Variants in POMGNT2 observed in about 807,000 individuals in gnomAD.
The protein encoded by POMGNT2 is protein O-linked mannose N-acetylglucosaminyltransferase 2 (beta 1,4-).
POMGNT2 carries 32 observed loss-of-function variants against 37.8 expected under a neutral mutation model. The ratio of observed to expected loss-of-function variants is 0.85; its 90% CI spans 0.64 to 1.14. The LOEUF is 1.14. Among genes scored for constraint, POMGNT2 ranks in the 50% most tolerant of loss-of-function variants. POMGNT2 has a pLI of 0.00. For synonymous variants in POMGNT2, 340 were observed against 336.8 expected, an observed-to-expected ratio of 1.01 and a Z score of -0.10; for missense variants, 705 against 780.6, an observed-to-expected ratio of 0.90 and a Z score of 1.15.
At chr3:43,100,813 T>C (rs1310401305) in intron 1 of POMGNT2, among the ~76,000 whole-genome samples, 1 of 152,218 alleles carries the variant, frequency 6.6e-6, no homozygotes, top group African/African-American at 2.4e-5. Flanking sequence ...AGCTATTTTC[T>C]AGTATATTCC....
At chr3:43,082,495 T>C (rs1315667207) in intron 1 of POMGNT2, among the ~76,000 whole-genome samples, 1 of 152,230 alleles carries the variant, frequency 6.6e-6, no homozygotes, top group Admixed American at 6.5e-5. Context: ...GGGTTTTAAA[T>C]GCCCTCTCCC....
intron 1 of POMGNT2, among the ~76,000 whole-genome samples, chr3:43,097,013 G>A (rs1467501826): frequency 6.6e-6 from 1 of 152,190 alleles, no homozygotes; most frequent in Non-Finnish European, 1.5e-5. Context: ...GTAACAGCTG[G>A]GCAGGTGGGG....
At chr3:43,104,226 T>A (rs1404927512) in intron 1 of POMGNT2, among the ~76,000 whole-genome samples, 3 of 152,166 alleles carry the variant, frequency 2.0e-5, no homozygotes, top group Non-Finnish European at 2.9e-5. Flanking sequence ...CCTTTCACAT[T>A]CATTATTTCA....
chr3:43,079,939 G>C lies in POMGNT2; in HGVS notation c.1493C>G (p.Ser498Cys). 2 of 1,614,008 alleles carry C rather than the reference G, an allele frequency of 1.2e-6. No individual in the cohort carries two copies. The highest frequency in any genetic ancestry group is 1.7e-6 in the Non-Finnish European group (2 of 1,180,024). ...ARCQASVHGA[S>C]EARLTVSWQI... ...CCAGGAGACAGTGAGGCGGGCCTCG[G>C]AGGCGCCATGCACTGACGCCTGGCA... Residue 498 changes from serine to cysteine, a missense_variant, in exon 2 of 2, where the codon TCC (serine) becomes TGC (cysteine). By Grantham distance (112) the Ser-to-Cys change is moderately radical. Transcript: ENST00000344697.
In POMGNT2 at chr3:43,079,913, G is replaced by A; in HGVS notation, c.1519C>T (p.Gln507Ter). Residue 507 changes from glutamine to a stop codon, truncating the protein, a stop_gained, in exon 2 of 2, where the codon CAG (glutamine) becomes TAG (stop). Transcript: ENST00000344697. LOFTEE classifies it high-confidence loss of function. ...ASEARLTVSW[Q>*]IPWNLKYLKV... ...AGGTATTTAAGGTTCCATGGGATCT[G>A]CCAGGAGACAGTGAGGCGGGCCTCG... The A allele has an allele frequency of 6.2e-7, 1 of 1,614,142 alleles. No homozygotes were observed. Among genetic ancestry groups the A allele is most frequent in the South Asian group, 1.1e-5 (1 of 91,076 alleles).
intron 1 of POMGNT2, among the ~76,000 whole-genome samples, chr3:43,082,263 C>T (rs776703250): frequency 3.9e-5 from 6 of 152,152 alleles, no homozygotes; most frequent in Non-Finnish European, 8.8e-5. Flanking sequence ...ACACTGTTCC[C>T]AGGTTGCACA....
intron 1 of POMGNT2, among the ~76,000 whole-genome samples, chr3:43,094,385 C>T (rs928735696): frequency 6.6e-6 from 1 of 152,240 alleles, no homozygotes; most frequent in African/African-American, 2.4e-5. Context: ...GCTTACTGGG[C>T]AACAGACCCA....
chr3:43,101,417 G>A (rs2090018387), intron 1 of POMGNT2, among the ~76,000 whole-genome samples: 1 of 152,176 alleles, frequency 6.6e-6, no homozygotes, highest in Non-Finnish European at 1.5e-5. Context: ...AACCCATGTG[G>A]ACTACTCCAC....
At chr3:43,092,003 G>A (rs987939525) in intron 1 of POMGNT2, among the ~76,000 whole-genome samples, 2 of 152,182 alleles carry the variant, frequency 1.3e-5, no homozygotes, top group Non-Finnish European at 2.9e-5. Context: ...GCCTCAGATC[G>A]GAGGAGACTA....
chr3:43,090,852 A>G (rs1185185403), intron 1 of POMGNT2, among the ~76,000 whole-genome samples: 1 of 152,204 alleles, frequency 6.6e-6, no homozygotes, highest in Non-Finnish European at 1.5e-5. Flanking sequence ...AGGGAGGAAC[A>G]TGAGCAGGAG....
chr3:43,104,541 G>A (rs1300265471), intron 1 of POMGNT2, among the ~76,000 whole-genome samples: 1 of 152,210 alleles, frequency 6.6e-6, no homozygotes, highest in Non-Finnish European at 1.5e-5. Context: ...GGGGCCCAAG[G>A]CTCAGGAAGG....
At chr3:43,089,862 T>C (rs538711522) in intron 1 of POMGNT2, among the ~76,000 whole-genome samples, 111 of 152,272 alleles carry the variant, frequency 7.3e-4, no homozygotes, top group African/African-American at 2.6e-3. Context: ...CACAGCTATG[T>C]TGAGGGCCCT....
Position 43,080,687 on chromosome 3 carries a change from G to A in POMGNT2, c.745C>T (p.Gln249Ter), listed in dbSNP as rs1553618354. 1 of 1,614,204 alleles carries A rather than the reference G, an allele frequency of 6.2e-7. No homozygotes were observed. Among genetic ancestry groups the A allele is most frequent in the Non-Finnish European group, 8.5e-7 (1 of 1,180,038 alleles). ...ITTWYQYGFV[Q>*]PQGPKANILV... ...ATGTTGGCCTTCGGGCCCTGGGGCT[G>A]CACAAAGCCATACTGGTACCAGGTA... The change falls in exon 2 of 2, where the codon CAG (glutamine) becomes TAG (stop). Residue 249 changes from glutamine (Q) to a stop codon, truncating the protein, a stop_gained. Coordinates refer to ENST00000344697, the MANE Select transcript of POMGNT2 (RefSeq NM_032806.6). LOFTEE classifies it high-confidence loss of function.
At chr3:43,091,527 C>T (rs7639740) in intron 1 of POMGNT2, among the ~76,000 whole-genome samples, 16,823 of 152,220 alleles carry the variant, frequency 0.11, 1,181 homozygotes, top group Non-Finnish European at 0.15. Context: ...GCAAACATCA[C>T]AGTAATAACT....
At chr3:43,097,370 G>C (rs1437795421) in intron 1 of POMGNT2, among the ~76,000 whole-genome samples, 1 of 152,130 alleles carries the variant, frequency 6.6e-6, no homozygotes, top group African/African-American at 2.4e-5. Context: ...CAGAATACCA[G>C]ACTGAGTGCC....
At chr3:43,091,444 G>T (rs943428334) in intron 1 of POMGNT2, among the ~76,000 whole-genome samples, 1 of 152,106 alleles carries the variant, frequency 6.6e-6, no homozygotes, top group Non-Finnish European at 1.5e-5. Context: ...AATTAGGAGA[G>T]AAAGGACAGC....
chr3:43,103,938 C>A (rs2090037930), intron 1 of POMGNT2, among the ~76,000 whole-genome samples: 2 of 152,144 alleles, frequency 1.3e-5, no homozygotes, highest in East Asian at 1.9e-4. Context: ...CCATGTCTGA[C>A]AATTATTTTT....
chr3:43,093,065 A>T (rs531858426), intron 1 of POMGNT2, among the ~76,000 whole-genome samples: 1 of 152,238 alleles, frequency 6.6e-6, no homozygotes, highest in African/African-American at 2.4e-5. Context: ...GCCACCAGGC[A>T]TCATCTCTCT....
In POMGNT2 at chr3:43,079,881, C is replaced by T. The variant is rs772907296; in HGVS notation, c.1551G>A (p.Val517=). ...QIPWNLKYLK[V]REVKYEVWLQ... is the part of the protein sequence containing the mutation. Reference sequence around the variant, plus strand: ...GCCACACCTCGTACTTCACCTCCCTCACCTTCAGGTATTTAAGGTTCCATG... The same window carrying T: ...GCCACACCTCGTACTTCACCTCCCTTACCTTCAGGTATTTAAGGTTCCATG... Residue 517 remains valine (V), a synonymous_variant, in exon 2 of 2, where the codon GTG becomes GTA. Coordinates refer to ENST00000344697, the MANE Select transcript of POMGNT2 (RefSeq NM_032806.6). 45 of 1,614,152 alleles carry T rather than the reference C, an allele frequency of 2.8e-5. No individual in the cohort carries two copies. Among genetic ancestry groups the T allele is most frequent in the Non-Finnish European group, 3.7e-5 (44 of 1,180,010 alleles).
Sources: allele counts gnomAD v4.1 joint callset (sites outside exome capture counted in the v4.1 genomes callset), GRCh38; gene constraint gnomAD v4.1.1; transcripts MANE v1.5; gene names NCBI Gene and HGNC (gene_info 2026-07-23, HGNC 2026-07-21).